Variants in NBEA observed in about 807,000 individuals in gnomAD.
NBEA encodes neurobeachin, also known as lysosomal-trafficking regulator 2.
In NBEA, 44 loss-of-function variants were observed where a neutral mutation model predicts 343.4. The observed-to-expected ratio is 0.13, with a 90% CI of 0.10 to 0.16. The LOEUF is 0.16. Among genes scored for constraint, NBEA ranks in the 10% least tolerant of loss-of-function variants. The pLI is 1.00. For synonymous variants in NBEA, 1,175 were observed against 1,238.7 expected (o/e 0.95, Z 1.08); for missense variants, 2,555 against 3,631.3 (o/e 0.70, Z 7.62).
chr13:35,244,584 T>G (rs2030887516), intron 34 of NBEA, among the ~76,000 whole-genome samples: 1 of 152,234 alleles, frequency 6.6e-6, no homozygotes, highest in South Asian at 2.1e-4. Flanking sequence ...TTAGTCTTGC[T>G]TTGGCTATGT....
intron 38 of NBEA, among the ~76,000 whole-genome samples, chr13:35,355,258 T>G (rs1343422975): frequency 6.6e-6 from 1 of 151,590 alleles, no homozygotes; most frequent in Non-Finnish European, 1.5e-5. Context: ...TATATAGTCT[T>G]TCTTTTTATA....
chr13:35,322,762 A>G (rs931611956), intron 36 of NBEA, among the ~76,000 whole-genome samples: 5 of 152,246 alleles, frequency 3.3e-5, no homozygotes, highest in African/African-American at 1.2e-4. Context: ...AATGTTATTT[A>G]TCTAAAACTA....
At chr13:35,384,013 G>A (rs2042124532) in intron 38 of NBEA, among the ~76,000 whole-genome samples, 1 of 152,044 alleles carries the variant, frequency 6.6e-6, no homozygotes, top group Admixed American at 6.6e-5. Context: ...GATGAATCCA[G>A]TATAGAGGCA....
intron 32 of NBEA, among the ~76,000 whole-genome samples, chr13:35,210,765 T>A (rs1234411922): frequency 6.6e-6 from 1 of 152,192 alleles, no homozygotes. Flanking sequence ...TTTATCAGCA[T>A]CATTTTATCG....
intron 45 of NBEA, among the ~76,000 whole-genome samples, chr13:35,574,289 T>G (rs2080605003): frequency 9.8e-6 from 1 of 101,886 alleles, no homozygotes; most frequent in Non-Finnish European, 2.1e-5. Context: ...AGGTAGGATA[T>G]TCTTTAAAAA....
At chr13:34,999,189 CAATA>C (rs1302808619) in intron 1 of NBEA, among the ~76,000 whole-genome samples, 6 of 151,864 alleles carry the variant, frequency 4.0e-5, no homozygotes, top group African/African-American at 7.3e-5. Context: ...TTTGGTCAGT[CAATA>C]AATATATTTT....
At chr13:35,508,183 C>T (rs2077143211) in intron 41 of NBEA, among the ~76,000 whole-genome samples, 1 of 152,044 alleles carries the variant, frequency 6.6e-6, no homozygotes, top group Non-Finnish European at 1.5e-5. Flanking sequence ...TAAAGCCAAT[C>T]CTTGGACCAT....
At chr13:35,110,052 A>ATTTTTTTTTTTTTTTT in intron 12 of NBEA, among the ~76,000 whole-genome samples, 1 of 89,240 alleles carries the variant, frequency 1.1e-5, no homozygotes, top group Non-Finnish European at 2.3e-5. Flanking sequence ...TTTTTTTTTT[A>ATTTTTTTTTTTTTTTT]AATGTTTTTT....
chr13:35,515,865 T>C (rs970723358), intron 41 of NBEA, among the ~76,000 whole-genome samples: 1 of 152,190 alleles, frequency 6.6e-6, no homozygotes, highest in Non-Finnish European at 1.5e-5. Flanking sequence ...CTGTTTCTTA[T>C]AACTTCTCAT....
intron 38 of NBEA, among the ~76,000 whole-genome samples, chr13:35,424,487 C>T (rs1010601014): frequency 3.9e-5 from 6 of 152,118 alleles, no homozygotes; most frequent in Non-Finnish European, 8.8e-5. Flanking sequence ...CCTTCTATCC[C>T]AGGGATGAAG....
intron 34 of NBEA, among the ~76,000 whole-genome samples, chr13:35,275,266 C>T (rs1318314294): frequency 6.6e-6 from 1 of 152,182 alleles, no homozygotes; most frequent in Non-Finnish European, 1.5e-5. Context: ...AAAGGATTCC[C>T]TATTTAATAA....
intron 1 of NBEA, among the ~76,000 whole-genome samples, chr13:34,975,051 A>G (rs931752056): frequency 1.3e-5 from 2 of 152,174 alleles, no homozygotes; most frequent in African/African-American, 4.8e-5. Flanking sequence ...CAATTTACAT[A>G]TGGGGAAAGG....
At chr13:35,337,563 T>A (rs2039337671) in intron 36 of NBEA, among the ~76,000 whole-genome samples, 1 of 152,076 alleles carries the variant, frequency 6.6e-6, no homozygotes, top group Non-Finnish European at 1.5e-5. Flanking sequence ...TTGGAGACTT[T>A]AGTATCCCAT....
intron 1 of NBEA, among the ~76,000 whole-genome samples, chr13:34,995,415 T>C (rs1412770380): frequency 1.6e-5 from 2 of 123,634 alleles, no homozygotes; most frequent in Admixed American, 1.8e-4. Flanking sequence ...AGAGAGACCC[T>C]GTCTCAAGAA....
chr13:35,621,111 A>G (rs116749300), intron 48 of NBEA, among the ~76,000 whole-genome samples: 2 of 152,180 alleles, frequency 1.3e-5, no homozygotes, highest in Non-Finnish European at 2.9e-5. Flanking sequence ...TTATTCATCT[A>G]TGTGTCCTCT....
chr13:35,423,543 T>G lies in NBEA; in HGVS notation c.6180-8726T>G, dbSNP rs868519664. On this transcript the variant is annotated intron_variant, in intron 38 of 58. Transcript: ENST00000379939. ...TTGGTACCAGTACCATGCTGTTTTG[T>G]TTACTGTAGCCTTGTAGTATAGTTT... Among the ~76,000 whole-genome samples, 411 of 152,164 alleles carry G rather than the reference T, an allele frequency of 2.7e-3. 2 individuals are homozygous for G. The highest frequency in any genetic ancestry group is 7.0e-3 in the African/African-American group (291 of 41,544).
intron 17 of NBEA, among the ~76,000 whole-genome samples, chr13:35,123,840 A>G (rs555414652): frequency 2.0e-5 from 3 of 152,258 alleles, no homozygotes; most frequent in Non-Finnish European, 4.4e-5. Flanking sequence ...GATGTAATAA[A>G]ATATTTTGTC....
chr13:35,405,002 A>G (rs1320528767), intron 38 of NBEA, among the ~76,000 whole-genome samples: 2 of 152,140 alleles, frequency 1.3e-5, no homozygotes, highest in African/African-American at 4.8e-5. Context: ...ATGCAGTAAG[A>G]GAGATGATAC....
intron 48 of NBEA, among the ~76,000 whole-genome samples, chr13:35,611,164 T>A (rs1040139027): frequency 1.3e-5 from 2 of 152,090 alleles, no homozygotes; most frequent in African/African-American, 2.4e-5. Flanking sequence ...ACCAACCATA[T>A]AACCCAGCAA....
Sources: gnomAD v4.1 joint callset for allele counts (sites outside exome capture counted in the v4.1 genomes callset) on GRCh38, gnomAD v4.1.1 for gene constraint, MANE v1.5 for transcripts, NCBI Gene and HGNC (gene_info 2026-07-23, HGNC 2026-07-21) for gene names.